SRGAP2: variants seen among roughly 807,000 people sequenced by gnomAD.
SRGAP2 encodes SLIT-ROBO Rho GTPase-activating protein 2.
In SRGAP2, 15 loss-of-function variants were observed where a neutral mutation model predicts 57.2. The observed-to-expected ratio is 0.26, with a 90% CI of 0.18 to 0.40. The LOEUF (loss-of-function observed/expected upper bound fraction) is 0.40, where lower values mean the gene tolerates loss of function less well. SRGAP2 is among the 10% of genes least tolerant of loss of function. The probability of loss-of-function intolerance (pLI) is 1.00; values close to 1 mark genes in which losing one functional copy is unlikely to be tolerated. For synonymous variants in SRGAP2, 249 were observed against 248.0 expected (o/e 1.00, Z -0.04); for missense variants, 520 against 669.6 (o/e 0.78, Z 2.47).
At chr1:206,286,578 T>C (rs1292510031) in intron 2 of SRGAP2, among the ~76,000 whole-genome samples, 1 of 151,232 alleles carries the variant, frequency 6.6e-6, no homozygotes, top group Non-Finnish European at 1.5e-5. Flanking sequence ...ACTTACACTC[T>C]AGTGGGAGGA....
chr1:206,386,148 G>T (rs1437635589), intron 5 of SRGAP2, among the ~76,000 whole-genome samples: 2 of 152,164 alleles, frequency 1.3e-5, no homozygotes, highest in Non-Finnish European at 2.9e-5. Flanking sequence ...GACATCTAAT[G>T]ATCTAGAGGC....
rs1491428628 is a variant in SRGAP2 at position 206,296,349 on chromosome 1, G to GA, written c.68-6931dup. On this transcript the variant is annotated intron_variant, in intron 2 of 22. Transcript: ENST00000573034. ...CAGTTTTACTGAAAGCATGTGGACC[G>GA]AGAGTGGGGAAAACATGGATATAAG... 4.0e-5 allele frequency among the ~76,000 whole-genome samples: 6 copies of GA among 149,226 alleles called. 1 individual carries two copies. The East Asian group carries it at 7.9e-4, about 20-fold the overall frequency.
chr1:206,272,675 G>A (rs1670190573), intron 2 of SRGAP2, among the ~76,000 whole-genome samples: 1 of 152,176 alleles, frequency 6.6e-6, no homozygotes, highest in East Asian at 1.9e-4. Flanking sequence ...GCCTCCCAAA[G>A]AGCTGGGATT....
intron 10 of SRGAP2, among the ~76,000 whole-genome samples, chr1:206,412,238 G>A (rs149261585): frequency 0.018 from 2,722 of 152,258 alleles, 47 homozygotes; most frequent in Non-Finnish European, 0.026. Flanking sequence ...ATCCAATTAG[G>A]AATTATTAGG....
chr1:206,440,849 ACTAT>A (rs1236290875), intron 17 of SRGAP2, among the ~76,000 whole-genome samples: 1 of 152,128 alleles, frequency 6.6e-6, no homozygotes, highest in East Asian at 1.9e-4. Flanking sequence ...CCGGCATGTT[ACTAT>A]CTGATTTGTG....
intron 16 of SRGAP2, 101 bp downstream of exon 16, chr1:206,438,199 A>G (rs1553370716): frequency 3.1e-6 from 2 of 649,532 alleles, no homozygotes; most frequent in African/African-American, 1.8e-5. Flanking sequence ...AAGCTTTTCA[A>G]TGAAGTTTTT....
chr1:206,304,115 A>T (rs1427534932), intron 3 of SRGAP2, among the ~76,000 whole-genome samples: 1 of 151,972 alleles, frequency 6.6e-6, no homozygotes, highest in East Asian at 1.9e-4. Flanking sequence ...TTTATTTTAT[A>T]CAACTGGCCC....
In SRGAP2 at chr1:206,458,923, C is replaced by T. The variant is rs782002267; in HGVS notation, c.2808C>T (p.Pro936=). ...GRSKSFNNHR[P]MDPEVIAQDI... ...CAAAAAGCTTCAATAACCATCGGCC[C>T]ATGGACCCTGAGGTCATTGCTCAGG... Residue 936 remains proline, a synonymous_variant, in exon 22 of 23, where the codon CCC becomes CCT. Transcript: ENST00000573034. 3.9e-6 allele frequency: 3 copies of T among 776,586 alleles called. No individual in the cohort carries two copies. The highest frequency in any genetic ancestry group is 1.7e-5 in the African/African-American group (1 of 59,042). The allele number at this position is 776,586 out of a possible 1,614,324, so 48.1% of individuals were successfully genotyped here.
chr1:206,430,682 C>T (rs148739819), intron 14 of SRGAP2, among the ~76,000 whole-genome samples: 1 of 152,342 alleles, frequency 6.6e-6, no homozygotes, highest in Non-Finnish European at 1.5e-5. Context: ...GGTTTGGTCT[C>T]ACTGGATACA....
chr1:206,443,671 A>G (rs1460404392), intron 17 of SRGAP2, among the ~76,000 whole-genome samples: 2 of 152,162 alleles, frequency 1.3e-5, no homozygotes, highest in Non-Finnish European at 2.9e-5. Flanking sequence ...GCCTGTAATT[A>G]CACCGCGCCT....
intron 4 of SRGAP2, among the ~76,000 whole-genome samples, chr1:206,373,969 A>AAATGAC (rs1392892416): frequency 2.6e-5 from 4 of 151,912 alleles, no homozygotes; most frequent in Admixed American, 2.6e-4. Context: ...AACTTGACCT[A>AAATGAC]AATGACATAT....
At chr1:206,228,825 T>TA (rs1667439705) in intron 2 of SRGAP2, among the ~76,000 whole-genome samples, 8 of 137,642 alleles carry the variant, frequency 5.8e-5, no homozygotes, top group African/African-American at 2.7e-4. Context: ...CATCAGCGCT[T>TA]TAAAAAAAAA....
chr1:206,359,714 A>T (rs1260064628), intron 4 of SRGAP2, among the ~76,000 whole-genome samples: 6 of 140,764 alleles, frequency 4.3e-5, no homozygotes, highest in Non-Finnish European at 7.6e-5. Context: ...GAAACAGATA[A>T]TACATAAAAA....
intron 11 of SRGAP2, among the ~76,000 whole-genome samples, chr1:206,419,001 C>T (rs1207741593): frequency 2.0e-5 from 3 of 151,356 alleles, no homozygotes; most frequent in African/African-American, 7.3e-5. Flanking sequence ...ATAAGAGAAG[C>T]TGAATTTCAT....
chr1:206,277,071 T>C (rs1332913514), intron 2 of SRGAP2, among the ~76,000 whole-genome samples: 44 of 151,978 alleles, frequency 2.9e-4, no homozygotes, highest in Non-Finnish European at 2.8e-4. Flanking sequence ...TTCAAGAGAT[T>C]CTCCTGCGTC....
chr1:206,410,643 T>C (rs1361860636), intron 10 of SRGAP2, among the ~76,000 whole-genome samples: 1 of 152,232 alleles, frequency 6.6e-6, no homozygotes, highest in East Asian at 1.9e-4. Context: ...ATAGAAGTAT[T>C]CCACTTATAC....
chr1:206,370,563 G>A (rs1181117510), intron 4 of SRGAP2, among the ~76,000 whole-genome samples: 3 of 152,112 alleles, frequency 2.0e-5, no homozygotes, highest in Non-Finnish European at 4.4e-5. Context: ...TATAGAGACA[G>A]AAAGTAGATT....
intron 16 of SRGAP2, among the ~76,000 whole-genome samples, chr1:206,439,053 C>T (rs138675525): frequency 2.4e-4 from 37 of 152,154 alleles, no homozygotes; most frequent in Admixed American, 1.3e-3. Context: ...TGTCTTTTTC[C>T]GGGACTGGGC....
intron 2 of SRGAP2, among the ~76,000 whole-genome samples, chr1:206,226,519 T>C (rs539630604): frequency 6.9e-4 from 105 of 152,278 alleles, no homozygotes; most frequent in African/African-American, 2.1e-3. Flanking sequence ...TGGCCCTGGG[T>C]AAGTCTCTAA....
Sources: gnomAD v4.1 joint callset for allele counts (sites outside exome capture counted in the v4.1 genomes callset) on GRCh38, gnomAD v4.1.1 for gene constraint, MANE v1.5 for transcripts, NCBI Gene and HGNC (gene_info 2026-07-23, HGNC 2026-07-21) for gene names.